SLC35D2: variants seen among roughly 807,000 people sequenced by gnomAD.
SLC35D2 encodes the protein solute carrier family 35 member D2, also known as nucleotide sugar transporter SLC35D2.
Under a neutral mutation model 41.8 loss-of-function variants are expected in SLC35D2, and 43 were observed. That is an observed-to-expected ratio of 1.03 (90% CI 0.81 to 1.33). SLC35D2 has a LOEUF of 1.33. Ranked by LOEUF, SLC35D2 falls within the 40% of genes most tolerant of loss-of-function variation. The pLI is 0.00. For synonymous variants in SLC35D2, 150 were observed against 163.9 expected (o/e 0.92, Z 0.65); for missense variants, 380 against 408.4 (o/e 0.93, Z 0.60).
intron 11 of SLC35D2, 105 bp downstream of exon 11, chr9:96,321,893 C>G: frequency 2.9e-6 from 2 of 679,310 alleles, no homozygotes; most frequent in East Asian, 5.2e-5. Flanking sequence ...CGCCTCCTGG[C>G]TTAACGTGAA....
At chr9:96,339,356 G>A (rs948443311) in intron 8 of SLC35D2, among the ~76,000 whole-genome samples, 2 of 152,036 alleles carry the variant, frequency 1.3e-5, no homozygotes, top group African/African-American at 4.8e-5. Context: ...TGATCTGCCC[G>A]CCTCAACCTC....
At chr9:96,333,531 C>A (rs1162783073) in intron 9 of SLC35D2, among the ~76,000 whole-genome samples, 3 of 145,908 alleles carry the variant, frequency 2.1e-5, no homozygotes, top group South Asian at 4.3e-4. Flanking sequence ...GGAGGCGGTG[C>A]GTGCAGTGAG....
chr9:96,336,169 T>C (rs1371629664), intron 9 of SLC35D2, among the ~76,000 whole-genome samples: 1 of 152,036 alleles, frequency 6.6e-6, no homozygotes, highest in South Asian at 2.1e-4. Flanking sequence ...GGTATAGCAC[T>C]ATAGGAAAAG....
At chr9:96,342,294 A>G (rs1389442031) in intron 8 of SLC35D2, among the ~76,000 whole-genome samples, 1 of 151,906 alleles carries the variant, frequency 6.6e-6, no homozygotes, top group Non-Finnish European at 1.5e-5. Context: ...TATTTTTACT[A>G]CTACTAAAAA....
At chr9:96,315,577 G>A (rs1003776005) in intron 11 of SLC35D2, among the ~76,000 whole-genome samples, 1 of 152,024 alleles carries the variant, frequency 6.6e-6, no homozygotes, top group African/African-American at 2.4e-5. Context: ...GGGACTACAG[G>A]TGCCTGCCAC....
At chr9:96,337,591 A>G (rs1253667114) in intron 8 of SLC35D2, among the ~76,000 whole-genome samples, 1 of 152,212 alleles carries the variant, frequency 6.6e-6, no homozygotes, top group Non-Finnish European at 1.5e-5. Context: ...GAACTTGCAC[A>G]TGCTTAGGAA....
rs757347905 is a variant in SLC35D2 at position 96,336,741 on chromosome 9, T to A, written c.728A>T (p.Gln243Leu). 1 of 1,587,550 alleles carries A rather than the reference T, an allele frequency of 6.3e-7. No individual in the cohort carries two copies. Among genetic ancestry groups the A allele is most frequent in the Non-Finnish European group, 8.6e-7 (1 of 1,161,210 alleles). Residue 243 changes from glutamine to leucine, a missense_variant, in exon 9 of 12, where the codon CAG becomes CTG. Coordinates refer to ENST00000253270, the MANE Select transcript of SLC35D2 (RefSeq NM_007001.3). ...NQWKNVVFIL[Q>L]FLLSCFLGFL... is the part of the protein sequence containing the mutation. ...CCCCAAAAAACAGGAAAGAAGAAAC[T>A]GTAGGATAAACACAACATTCTTCCA...
At chr9:96,366,568 C>A (rs1830483114) in intron 2 of SLC35D2, among the ~76,000 whole-genome samples, 1 of 129,478 alleles carries the variant, frequency 7.7e-6, no homozygotes, top group Non-Finnish European at 1.5e-5. Flanking sequence ...GTCACCCAGG[C>A]TAGAGAGCAG....
chr9:96,354,766 C>CAAAAAAAAAA (rs59013884), intron 4 of SLC35D2, among the ~76,000 whole-genome samples: 2 of 46,740 alleles, frequency 4.3e-5, no homozygotes, highest in Non-Finnish European at 8.8e-5. Context: ...GACTCCATCT[C>CAAAAAAAAAA]AAAAAAAAAA....
At chr9:96,355,126 C>A (rs1301775485) in intron 4 of SLC35D2, among the ~76,000 whole-genome samples, 3 of 151,144 alleles carry the variant, frequency 2.0e-5, no homozygotes, top group Non-Finnish European at 3.0e-5. Flanking sequence ...TCAAGCGATT[C>A]TTGTGCCTCA....
At chr9:96,344,285 A>T (rs1401410686) in intron 7 of SLC35D2, among the ~76,000 whole-genome samples, 4 of 151,642 alleles carry the variant, frequency 2.6e-5, no homozygotes, top group Admixed American at 2.6e-4. Context: ...GGTTTTTTTT[A>T]AAGCATGTAA....
At chr9:96,349,875 T>G (rs1401704522) in intron 6 of SLC35D2, among the ~76,000 whole-genome samples, 1 of 152,046 alleles carries the variant, frequency 6.6e-6, no homozygotes, top group Non-Finnish European at 1.5e-5. Flanking sequence ...GGAAGCTGTC[T>G]CCCTTAGCCC....
At chr9:96,317,931 G>C (rs969031198), downstream of SLC35D2, among the ~76,000 whole-genome samples, 4 of 114,822 alleles carry the variant, frequency 3.5e-5, no homozygotes, top group African/African-American at 1.4e-4. Context: ...TACTTGGGAG[G>C]GAGGCTGAGA....
Position 96,383,614 on chromosome 9 carries a change from G to T in SLC35D2, c.21C>A (p.Ala7=). The T allele has an allele frequency of 8.4e-7, 1 of 1,192,772 alleles. No individual in the cohort carries two copies. Among genetic ancestry groups the T allele is most frequent in the South Asian group, 3.9e-5 (1 of 25,408 alleles). The allele number at this position is 1,192,772 out of a possible 1,614,324, so 73.9% of individuals were successfully genotyped here. Reference sequence around the variant, plus strand: ...GCTCCCCGCCAGCGCCCTCGGCCTCGGCCTGGCCGCCGGCCGTCATCTCCT... The same window carrying T: ...GCTCCCCGCCAGCGCCCTCGGCCTCTGCCTGGCCGCCGGCCGTCATCTCCT... The part of the protein sequence containing the change: MTAGGQ[A]EAEGAGGEPG... The change falls in exon 1 of 12, where the codon GCC becomes GCA. Residue 7 remains alanine (A), a synonymous_variant. Transcript: ENST00000253270.
chr9:96,338,811 C>T (rs1194296257), intron 8 of SLC35D2, among the ~76,000 whole-genome samples: 1 of 152,032 alleles, frequency 6.6e-6, no homozygotes, highest in Non-Finnish European at 1.5e-5. Flanking sequence ...AAAGTTTATG[C>T]TTAAGGTAGT....
Position 96,340,611 on chromosome 9 carries a change from C to T in SLC35D2, c.684+3293G>A, listed in dbSNP as rs112071853. Among the ~76,000 whole-genome samples, 293 of 91,060 alleles carry T rather than the reference C, an allele frequency of 3.2e-3. 2 individuals carry two copies. The highest frequency in any genetic ancestry group is 0.013 in the African/African-American group (273 of 21,140). The allele number at this position is 91,060 out of a possible 152,430, so 59.7% of individuals were successfully genotyped here. ...CTCTAGCCTGGGCAACAGAGGGAGA[C>T]TCCATCTCAAAAAAAAAAAAAAAAA... On this transcript the variant is annotated intron_variant, in intron 8 of 11. Coordinates refer to ENST00000253270, the MANE Select transcript of SLC35D2 (RefSeq NM_007001.3).
chr9:96,379,306 CAA>C (rs35181002), intron 1 of SLC35D2, among the ~76,000 whole-genome samples: 32 of 122,264 alleles, frequency 2.6e-4, no homozygotes, highest in Admixed American at 4.3e-4. Flanking sequence ...GACCCTGTCT[CAA>C]AAAAAAAAAA....
chr9:96,359,027 G>A (rs949856461), intron 4 of SLC35D2, among the ~76,000 whole-genome samples: 16 of 151,962 alleles, frequency 1.1e-4, no homozygotes, highest in African/African-American at 9.7e-5. Context: ...AACAGTGGCC[G>A]GGTGCGGTGG....
intron 6 of SLC35D2, among the ~76,000 whole-genome samples, chr9:96,349,872 G>A (rs1829738602): frequency 6.6e-6 from 1 of 152,092 alleles, no homozygotes; most frequent in African/African-American, 2.4e-5. Flanking sequence ...AGGGGAAGCT[G>A]TCTCCCTTAG....
Sources: gnomAD v4.1 joint callset for allele counts (sites outside exome capture counted in the v4.1 genomes callset) on GRCh38, gnomAD v4.1.1 for gene constraint, MANE v1.5 for transcripts, NCBI Gene and HGNC (gene_info 2026-07-23, HGNC 2026-07-21) for gene names.